NCAPD3: variants seen among roughly 807,000 people sequenced by gnomAD.
NCAPD3 encodes non-SMC condensin II complex subunit D3, also known as condensin-2 complex subunit D3.
In NCAPD3, 105 loss-of-function variants were observed where a neutral mutation model predicts 182.9. The ratio of observed to expected loss-of-function variants is 0.57; its 90% CI spans 0.49 to 0.68. NCAPD3 has a LOEUF of 0.68. NCAPD3 is among the 30% of genes least tolerant of loss of function. The pLI is 0.00. For missense variants in NCAPD3, 1,944 were observed against 1,837.0 expected, an observed-to-expected ratio of 1.06 and a Z score of -1.07; for synonymous variants, 815 against 679.9, an observed-to-expected ratio of 1.20 and a Z score of -3.09.
In NCAPD3 at chr11:134,176,382, T is replaced by A. The variant is rs1944166128; in HGVS notation, c.3026A>T (p.Glu1009Val). Residue 1009 changes from glutamate (E) to valine (V), a missense_variant, in exon 24 of 35, where the codon GAA becomes GTA. Around this residue, in one of 3 missense-constraint regions of NCAPD3, gnomAD observed 1,803 missense variants for 1,674.6 expected, o/e 1.08. Coordinates refer to ENST00000534548, the MANE Select transcript of NCAPD3 (RefSeq NM_015261.3). ...LILLTNLLQE[E>V]FVKWKGSLFF... ...CAGGGAGCCCTTCCATTTCACAAAT[T>A]CCTCCTGTGCAGAGAGAAGCCGGCA... is the stretch of plus-strand genomic sequence containing the variant. 1 of 1,613,702 alleles carries A rather than the reference T, an allele frequency of 6.2e-7. No individual in the cohort carries two copies. The highest frequency in any genetic ancestry group is 8.5e-7 in the Non-Finnish European group (1 of 1,179,830).
chr11:134,203,342 T>C, intron 11 of NCAPD3, 144 bp from the exon 12 acceptor site: 1 of 708,940 alleles, frequency 1.4e-6, no homozygotes, highest in Non-Finnish European at 2.4e-6. Context: ...ACGTTCTCCT[T>C]GGGTATGCAT....
intron 1 of NCAPD3, chr11:134,223,409 TAGCAGGC>T: frequency 1.4e-6 from 1 of 702,432 alleles, no homozygotes; most frequent in Non-Finnish European, 2.6e-6. Context: ...ATGGTGCCAT[TAGCAGGC>T]TTTGGGAATC....
chr11:134,155,608 G>C (rs1943397615), intron 32 of NCAPD3, among the ~76,000 whole-genome samples: 1 of 152,190 alleles, frequency 6.6e-6, no homozygotes, highest in East Asian at 1.9e-4. Context: ...AGAAACACGA[G>C]CTGCTAGGAA....
At chr11:134,200,221 A>T (rs1282662461) in intron 13 of NCAPD3, among the ~76,000 whole-genome samples, 1 of 152,222 alleles carries the variant, frequency 6.6e-6, no homozygotes, top group Non-Finnish European at 1.5e-5. Context: ...TACCAAAAGC[A>T]TGAGTAAAAA....
intron 8 of NCAPD3, among the ~76,000 whole-genome samples, chr11:134,205,555 T>G (rs1353079677): frequency 6.6e-6 from 1 of 152,026 alleles, no homozygotes; most frequent in African/African-American, 2.4e-5. Context: ...TCTGTATTTT[T>G]TAGTAGAGAC....
chr11:134,183,133 T>C (rs1172315896), intron 19 of NCAPD3: 2 of 456,168 alleles, frequency 4.4e-6, no homozygotes, highest in Non-Finnish European at 8.8e-6. Flanking sequence ...GCTGTACACA[T>C]GATTCTTTTT....
At chr11:134,215,274 G>GATCC (rs1376786421) in intron 3 of NCAPD3, among the ~76,000 whole-genome samples, 1 of 152,148 alleles carries the variant, frequency 6.6e-6, no homozygotes, top group Admixed American at 6.6e-5. Context: ...AATAGACAAG[G>GATCC]ATCCCCACGC....
rs1427641538 is a variant in NCAPD3, at chr11:134,203,041, T to C, written c.1525+101A>G. 5.9e-6 allele frequency: 7 copies of C among 1,196,040 alleles called. No individual in the cohort carries two copies. In the Admixed American group the frequency reaches 6.6e-5, roughly 11 times the overall value. 74.1% of individuals were successfully genotyped at this position (1,196,040 alleles called of 1,614,324 possible). On this transcript the variant is annotated intron_variant, in intron 12 of 34. Coordinates refer to ENST00000534548, the MANE Select transcript of NCAPD3 (RefSeq NM_015261.3). ...AACCTCTCTCATGAAAAAAGTACAA[T>C]GTTAAAGCAGGTAAATAAGGAGGTA...
intron 24 of NCAPD3, among the ~76,000 whole-genome samples, chr11:134,175,922 T>C (rs966119712): frequency 2.0e-5 from 3 of 152,096 alleles, no homozygotes; most frequent in African/African-American, 7.2e-5. Flanking sequence ...GCAATTAAAG[T>C]CTCAGCTCTT....
At chr11:134,220,388 T>C (rs1351941794) in intron 2 of NCAPD3, among the ~76,000 whole-genome samples, 184 bp downstream of exon 2, 1 of 151,854 alleles carries the variant, frequency 6.6e-6, no homozygotes, top group Non-Finnish European at 1.5e-5. Context: ...ATCAGACAAG[T>C]ACCTTGAAGC....
At chr11:134,188,689 G>C (rs766682421) in intron 16 of NCAPD3, among the ~76,000 whole-genome samples, 2 of 151,834 alleles carry the variant, frequency 1.3e-5, no homozygotes, top group Non-Finnish European at 2.9e-5. Flanking sequence ...ACCCACCAGA[G>C]GGAAGAAACT....
At chr11:134,174,390 A>G (rs1944106350) in intron 24 of NCAPD3, among the ~76,000 whole-genome samples, 1 of 150,064 alleles carries the variant, frequency 6.7e-6, no homozygotes, top group Admixed American at 6.6e-5. Context: ...CTCAAAAAAA[A>G]AAAAAAAAAA....
At chr11:134,157,171 CAT>C (rs1943445628) in intron 31 of NCAPD3, 76 bp from the exon 32 acceptor site, 2 of 1,172,598 alleles carry the variant, frequency 1.7e-6, no homozygotes, top group Non-Finnish European at 2.4e-6. Context: ...CATGAGAAAA[CAT>C]ATCTGCAAGA....
intron 32 of NCAPD3, among the ~76,000 whole-genome samples, chr11:134,156,605 G>T (rs538315905): frequency 6.6e-6 from 1 of 152,312 alleles, no homozygotes; most frequent in East Asian, 1.9e-4. Flanking sequence ...GGTCTTGGCA[G>T]TTGCAGAGCG....
intron 27 of NCAPD3, 89 bp downstream of exon 27, chr11:134,167,907 C>T: frequency 1.7e-6 from 2 of 1,176,926 alleles, no homozygotes; most frequent in South Asian, 2.8e-5. Flanking sequence ...GTGAGATGAG[C>T]TTGGGGGAGG....
At chr11:134,188,867 C>A (rs543453593) in intron 16 of NCAPD3, among the ~76,000 whole-genome samples, 2 of 152,120 alleles carry the variant, frequency 1.3e-5, no homozygotes, top group African/African-American at 2.4e-5. Context: ...AGAAGAAATG[C>A]GGACACAGAA....
chr11:134,200,418 C>G (rs1192209285), intron 13 of NCAPD3, among the ~76,000 whole-genome samples: 2 of 152,116 alleles, frequency 1.3e-5, no homozygotes, highest in Admixed American at 1.3e-4. Context: ...GGGCAAAGAG[C>G]TTGAATAGAC....
At chr11:134,177,183 T>C (rs1944189095) in intron 23 of NCAPD3, 36 bp downstream of exon 23, 1 of 1,486,440 alleles carries the variant, frequency 6.7e-7, no homozygotes, top group Admixed American at 1.7e-5. Flanking sequence ...GAAGCAATGG[T>C]GAAGGGGAAA....
intron 27 of NCAPD3, among the ~76,000 whole-genome samples, chr11:134,165,462 CATGAG>C (rs1400362301): frequency 1.4e-5 from 2 of 140,398 alleles, no homozygotes; most frequent in African/African-American, 5.4e-5. Flanking sequence ...GTGGCACACT[CATGAG>C]ATGAGCTTGG....
Sources: allele counts gnomAD v4.1 joint callset (sites outside exome capture counted in the v4.1 genomes callset), GRCh38; gene constraint gnomAD v4.1.1; regional missense constraint gnomAD v4.1.1; transcripts MANE v1.5; gene names NCBI Gene and HGNC (gene_info 2026-07-23, HGNC 2026-07-21).